Variants in ZFHX3 observed in about 807,000 individuals in gnomAD.
ZFHX3 encodes zinc finger homeobox protein 3.
In ZFHX3, 42 loss-of-function variants were observed where a neutral mutation model predicts 279.1. The ratio of observed to expected loss-of-function variants is 0.15; its 90% CI spans 0.12 to 0.19. The LOEUF (loss-of-function observed/expected upper bound fraction) is 0.19, where lower values mean the gene tolerates loss of function less well. ZFHX3 is among the 10% of genes least tolerant of loss of function. ZFHX3 has a pLI of 1.00. For synonymous variants in ZFHX3, 2,293 were observed against 1,957.8 expected (o/e 1.17, Z -4.52); for missense variants, 4,981 against 4,754.0 (o/e 1.05, Z -1.40).
intron 1 of ZFHX3, among the ~76,000 whole-genome samples, chr16:73,803,382 TG>T (rs1206763525): frequency 6.6e-6 from 1 of 152,174 alleles, no homozygotes; most frequent in Admixed American, 6.6e-5. Flanking sequence ...TAGCTAGCGC[TG>T]GGGATAACGT....
At chr16:73,200,481 A>T (rs1252905449) in intron 5 of ZFHX3, among the ~76,000 whole-genome samples, 3 of 152,216 alleles carry the variant, frequency 2.0e-5, no homozygotes, top group African/African-American at 2.4e-5. Context: ...ATAGGATTGA[A>T]TTCTCTTGAT....
intron 7 of ZFHX3, among the ~76,000 whole-genome samples, chr16:73,111,869 C>T (rs1272823890): frequency 1.3e-5 from 2 of 152,086 alleles, no homozygotes; most frequent in Admixed American, 1.3e-4. Flanking sequence ...TTCTTGTCCC[C>T]ATTTTATGGA....
chr16:72,941,109 G>A (rs540930569), intron 3 of ZFHX3, among the ~76,000 whole-genome samples: 3 of 152,308 alleles, frequency 2.0e-5, no homozygotes, highest in Admixed American at 6.5e-5. Context: ...GCTGGTGACC[G>A]AACCAGGCCT....
chr16:73,017,909 C>G (rs1444729095), intron 1 of ZFHX3, among the ~76,000 whole-genome samples: 1 of 152,168 alleles, frequency 6.6e-6, no homozygotes, highest in African/African-American at 2.4e-5. Flanking sequence ...ACTCTCTCCT[C>G]TTCAGAAAAT....
intron 2 of ZFHX3, among the ~76,000 whole-genome samples, chr16:73,602,045 T>C (rs755179261): frequency 6.6e-6 from 1 of 152,108 alleles, no homozygotes; most frequent in Non-Finnish European, 1.5e-5. Context: ...AGCAGGACGA[T>C]TGCTTGAACC....
rs889922093 is a variant in ZFHX3 at position 73,284,331 on chromosome 16, A to G, written c.-1193-27195T>C. On this transcript the variant is annotated intron_variant, in intron 4 of 17. Coordinates refer to the ZFHX3 transcript ENST00000641206. ...GACTCTGTCTCAAAAAAAAAAAAAA[A>G]AAAAAAAAGAAGGAAAATAAATATG... Among the ~76,000 whole-genome samples the G allele has an allele frequency of 2.0e-5, 3 of 151,524 alleles. No individual in the cohort carries two copies. In the East Asian group the frequency reaches 5.8e-4, roughly 29 times the overall value.
At chr16:73,161,084 T>G (rs1967224903) in intron 5 of ZFHX3, among the ~76,000 whole-genome samples, 1 of 152,156 alleles carries the variant, frequency 6.6e-6, no homozygotes. Context: ...GCGATTCTCC[T>G]GCCTCAGCCT....
At chr16:73,831,234 T>C (rs186619841) in intron 1 of ZFHX3, among the ~76,000 whole-genome samples, 123 of 152,272 alleles carry the variant, frequency 8.1e-4, no homozygotes, top group African/African-American at 2.4e-3. Context: ...AAAAATCACA[T>C]AATTGATGGC....
chr16:73,707,267 A>T (rs928783688), intron 1 of ZFHX3, among the ~76,000 whole-genome samples: 2 of 152,200 alleles, frequency 1.3e-5, no homozygotes, highest in African/African-American at 4.8e-5. Flanking sequence ...GTCTACCCAT[A>T]GTCTGAGGGA....
intron 1 of ZFHX3, among the ~76,000 whole-genome samples, chr16:72,977,535 C>G (rs1343459358): frequency 6.6e-6 from 1 of 152,084 alleles, no homozygotes; most frequent in Non-Finnish European, 1.5e-5. Flanking sequence ...CTATGTACAA[C>G]CTGCACTCGA....
chr16:73,066,409 C>T (rs6416749), intron 8 of ZFHX3, among the ~76,000 whole-genome samples: 96,895 of 151,996 alleles, frequency 0.64, 31,371 homozygotes, highest in South Asian at 0.74. Flanking sequence ...CCCGGCACAC[C>T]CATCTCCATT....
chr16:72,816,531 T>C (rs867656358), intron 5 of ZFHX3, among the ~76,000 whole-genome samples: 4 of 152,182 alleles, frequency 2.6e-5, no homozygotes, highest in Admixed American at 6.5e-5. Flanking sequence ...ACACAGACTT[T>C]CCAGGGAGTG....
intron 3 of ZFHX3, among the ~76,000 whole-genome samples, chr16:73,433,383 C>A (rs1159174499): frequency 1.3e-5 from 2 of 152,140 alleles, no homozygotes; most frequent in African/African-American, 2.4e-5. Flanking sequence ...ATTTGAATAT[C>A]ATTTGCATCT....
chr16:73,115,801 C>G (rs1461267964), intron 7 of ZFHX3, among the ~76,000 whole-genome samples: 1 of 152,134 alleles, frequency 6.6e-6, no homozygotes, highest in African/African-American at 2.4e-5. Flanking sequence ...AGCCACTAAT[C>G]AAGTCCAGGG....
At chr16:72,938,657 G>C (rs1421634324) in intron 3 of ZFHX3, among the ~76,000 whole-genome samples, 1 of 152,212 alleles carries the variant, frequency 6.6e-6, no homozygotes, top group African/African-American at 2.4e-5. Flanking sequence ...CAAGGCATGA[G>C]TTTTGGATAA....
At chr16:73,552,476 T>C (rs928290483) in intron 2 of ZFHX3, among the ~76,000 whole-genome samples, 1 of 152,188 alleles carries the variant, frequency 6.6e-6, no homozygotes, top group Non-Finnish European at 1.5e-5. Flanking sequence ...TCAAAAGGTG[T>C]AAGACATAGA....
rs1163379065 is a variant in ZFHX3, at chr16:72,794,872, G to A, written c.7810C>T (p.Pro2604Ser). 2 of 1,614,044 alleles carry A rather than the reference G, an allele frequency of 1.2e-6. No individual in the cohort carries two copies. Among genetic ancestry groups the A allele is most frequent in the South Asian group, 2.2e-5 (2 of 91,082 alleles). Residue 2604 changes from proline (P) to serine (S), a missense_variant, in exon 9 of 10, where the codon CCT (proline) becomes TCT (serine). Transcript: ENST00000268489. This position sits in a 1 kb window ranked among gnomAD's most constrained non-coding sequence, Gnocchi z 4.2. Reference protein sequence around the residue: ...PQIPASSATSPSTPTSTMNTL... With the variant: ...PQIPASSATSSSTPTSTMNTL... ...TTCATTGTGGAGGTTGGAGTTGAAG[G>A]AGAAGTGGCTGAGCTTGCTGGAATC...
chr16:73,165,925 C>T (rs1270252914), intron 5 of ZFHX3, among the ~76,000 whole-genome samples: 1 of 152,154 alleles, frequency 6.6e-6, no homozygotes, highest in Non-Finnish European at 1.5e-5. Flanking sequence ...CAGGACAATT[C>T]AGAATGCCTG....
exon 6 of ZFHX3, chr16:73,143,793 A>G: frequency 3.1e-6 from 4 of 1,305,320 alleles, no homozygotes; most frequent in Non-Finnish European, 4.0e-6. Context: ...CAATAGCGCT[A>G]GGCTAGACTT....
Sources: allele counts gnomAD v4.1 joint callset (sites outside exome capture counted in the v4.1 genomes callset), GRCh38; gene constraint gnomAD v4.1.1; non-coding constraint Gnocchi (gnomAD v3.1); transcripts MANE v1.5; gene names NCBI Gene and HGNC (gene_info 2026-07-23, HGNC 2026-07-21).